DGKB: variants seen among roughly 807,000 people sequenced by gnomAD.
DGKB encodes diacylglycerol kinase beta.
In DGKB, 67 loss-of-function variants were observed where a neutral mutation model predicts 114.3. That is an observed-to-expected ratio of 0.59 (90% confidence interval 0.48 to 0.72). The LOEUF (loss-of-function observed/expected upper bound fraction) is 0.72. Ranked by LOEUF, DGKB falls within the 30% of genes least tolerant of loss-of-function variation. DGKB has a pLI of 0.00. For synonymous variants in DGKB, 398 were observed against 323.1 expected, an observed-to-expected ratio of 1.23 and a Z score of -2.49; for missense variants, 907 against 975.2, an observed-to-expected ratio of 0.93 and a Z score of 0.93.
intron 1 of DGKB, among the ~76,000 whole-genome samples, chr7:14,946,452 A>T (rs141859210): frequency 3.0e-3 from 456 of 151,854 alleles, no homozygotes; most frequent in African/African-American, 0.01. Context: ...TTTTATTCAA[A>T]CTGAATCCCC....
At chr7:14,710,329 C>A (rs985499272) in intron 6 of DGKB, among the ~76,000 whole-genome samples, 1 of 151,986 alleles carries the variant, frequency 6.6e-6, no homozygotes, top group Admixed American at 6.6e-5. Context: ...TGATGTCATA[C>A]AGAAATACAA....
intron 21 of DGKB, among the ~76,000 whole-genome samples, chr7:14,347,608 G>T (rs1348361599): frequency 6.6e-6 from 1 of 151,902 alleles, no homozygotes; most frequent in East Asian, 1.9e-4. Context: ...TGGTTATCAG[G>T]GGTCAAGAAT....
intron 4 of DGKB, among the ~76,000 whole-genome samples, chr7:14,751,822 T>C (rs1639240): frequency 0.36 from 54,161 of 152,064 alleles, 13,343 homozygotes; most frequent in African/African-American, 0.69. Context: ...ATAAAGGAAA[T>C]AGAATTTGTT....
chr7:14,574,422 A>C (rs1798826158), intron 19 of DGKB, 50 bp from the exon 20 acceptor site: 1 of 1,519,754 alleles, frequency 6.6e-7, no homozygotes, highest in Admixed American at 1.9e-5. Flanking sequence ...CCAAATAAAA[A>C]AGCTGTATTT....
chr7:14,293,299 A>G (rs1392775861), intron 23 of DGKB, among the ~76,000 whole-genome samples: 1 of 152,168 alleles, frequency 6.6e-6, no homozygotes, highest in Non-Finnish European at 1.5e-5. Context: ...GGTGCATGAT[A>G]AAAATATCCC....
chr7:14,272,734 G>C (rs1432198404), intron 23 of DGKB, among the ~76,000 whole-genome samples: 1 of 152,152 alleles, frequency 6.6e-6, no homozygotes, highest in African/African-American at 2.4e-5. Context: ...AGAACTAGGA[G>C]ATGATCTTAA....
chr7:14,939,229 GTA>G (rs1171614261), intron 1 of DGKB, among the ~76,000 whole-genome samples: 1 of 151,990 alleles, frequency 6.6e-6, no homozygotes, highest in Non-Finnish European at 1.5e-5. Flanking sequence ...ATTTCTTATT[GTA>G]TATGTTTTAT....
At chr7:14,910,888 A>G (rs1227758099) in intron 1 of DGKB, among the ~76,000 whole-genome samples, 1 of 152,166 alleles carries the variant, frequency 6.6e-6, no homozygotes, top group Non-Finnish European at 1.5e-5. Flanking sequence ...TTGATATTTT[A>G]TATTAGCTTT....
intron 23 of DGKB, among the ~76,000 whole-genome samples, chr7:14,221,664 C>T (rs1181317718): frequency 6.6e-6 from 1 of 151,392 alleles, no homozygotes; most frequent in Non-Finnish European, 1.5e-5. Flanking sequence ...ATTTCAGTGT[C>T]ATGATAATAC....
chr7:14,720,933 T>C (rs960352047), intron 5 of DGKB, among the ~76,000 whole-genome samples: 19 of 151,874 alleles, frequency 1.3e-4, no homozygotes, highest in Non-Finnish European at 1.9e-4. Flanking sequence ...TTCCAACTTA[T>C]GATAAAAAAC....
At chr7:14,596,651 G>T in intron 17 of DGKB, among the ~76,000 whole-genome samples, 1 of 152,162 alleles carries the variant, frequency 6.6e-6, no homozygotes. Flanking sequence ...TCATTCCAAT[G>T]CTACTAGTCA....
intron 1 of DGKB, among the ~76,000 whole-genome samples, chr7:14,845,883 G>C (rs746087920): frequency 6.6e-6 from 1 of 150,808 alleles, no homozygotes; most frequent in Non-Finnish European, 1.5e-5. Context: ...GTTGAAAATG[G>C]GTGGCATTAT....
At chr7:14,648,585 C>A (rs1274800533) in intron 13 of DGKB, among the ~76,000 whole-genome samples, 1 of 152,092 alleles carries the variant, frequency 6.6e-6, no homozygotes, top group Non-Finnish European at 1.5e-5. Context: ...AAAAGCAGAG[C>A]GCCTCTCCTC....
chr7:14,849,446 TCCTTTGCC>T (rs753509560), intron 1 of DGKB, among the ~76,000 whole-genome samples: 24 of 152,254 alleles, frequency 1.6e-4, no homozygotes, highest in Admixed American at 5.2e-4. Flanking sequence ...AAGTTCAGCC[TCCTTTGCC>T]CCTTTGCCCT....
At chr7:14,341,935 T>A (rs1811670175) in intron 22 of DGKB, among the ~76,000 whole-genome samples, 1 of 151,886 alleles carries the variant, frequency 6.6e-6, no homozygotes, top group African/African-American at 2.4e-5. Context: ...GGTCTGATTC[T>A]ATGTCTATAT....
At position 14,554,598 on chromosome 7, in the gene DGKB, T is replaced by TTTAATAATTAAAATAA. The variant is rs1341728623; in HGVS notation, c.1770+19613_1770+19614insTTATTTTAATTATTAA. Reference sequence around the variant, plus strand: ...TAGATACTATCACATAATAAAATATTTTAATTTATAAGCCCATTACACAAT... The same window carrying TTTAATAATTAAAATAA: ...TAGATACTATCACATAATAAAATATTTTAATAATTAAAATAATTAATTTATAAGCCCATTACACAAT... On this transcript the variant is annotated intron_variant, in intron 20 of 25. Coordinates refer to ENST00000402815, the MANE Select transcript of DGKB (RefSeq NM_001350709.2). 4.6e-5 allele frequency among the ~76,000 whole-genome samples: 7 copies of TTTAATAATTAAAATAA among 152,184 alleles called. No homozygotes were observed. The South Asian group carries it at 8.3e-4, about 18-fold the overall frequency.
At chr7:14,382,409 A>G (rs983852075) in intron 21 of DGKB, among the ~76,000 whole-genome samples, 5 of 148,700 alleles carry the variant, frequency 3.4e-5, no homozygotes, top group Admixed American at 6.7e-5. Context: ...CCAATTATCT[A>G]TTGCTAATAA....
intron 23 of DGKB, among the ~76,000 whole-genome samples, chr7:14,251,941 C>T (rs1795305216): frequency 6.6e-6 from 1 of 152,070 alleles, no homozygotes; most frequent in African/African-American, 2.4e-5. Flanking sequence ...TTGTCTTTGA[C>T]TTTTGAAAAC....
chr7:14,971,948 G>A (rs932702565), intron 1 of DGKB, among the ~76,000 whole-genome samples: 1 of 152,022 alleles, frequency 6.6e-6, no homozygotes, highest in Non-Finnish European at 1.5e-5. Context: ...GTTTCACCAC[G>A]TTGGCCAGAC....
Sources: gnomAD v4.1 joint callset for allele counts (sites outside exome capture counted in the v4.1 genomes callset) on GRCh38, gnomAD v4.1.1 for gene constraint, MANE v1.5 for transcripts, NCBI Gene and HGNC (gene_info 2026-07-23, HGNC 2026-07-21) for gene names.